Variants in CDH12 observed in about 807,000 individuals in gnomAD.
CDH12 encodes the protein cadherin-12.
A neutral mutation model predicts 74.1 loss-of-function variants in CDH12; 41 were observed. The ratio of observed to expected loss-of-function variants is 0.55; its 90% CI spans 0.43 to 0.72. The LOEUF (loss-of-function observed/expected upper bound fraction) is 0.72. Among genes scored for constraint, CDH12 ranks in the 30% least tolerant of loss-of-function variants. The probability of loss-of-function intolerance (pLI) is 0.00; values close to 1 mark genes in which losing one functional copy is unlikely to be tolerated. For missense variants in CDH12, 945 were observed against 977.2 expected, an observed-to-expected ratio of 0.97 and a Z score of 0.44; for synonymous variants, 399 against 355.0, an observed-to-expected ratio of 1.12 and a Z score of -1.39.
At chr5:22,559,349 T>A (rs1024022287) in intron 1 of CDH12, among the ~76,000 whole-genome samples, 1 of 152,046 alleles carries the variant, frequency 6.6e-6, no homozygotes, top group African/African-American at 2.4e-5. Context: ...ATGCATACTT[T>A]ACCTCAGCGA....
At chr5:22,008,593 G>T (rs866107116) in intron 5 of CDH12, among the ~76,000 whole-genome samples, 2 of 152,136 alleles carry the variant, frequency 1.3e-5, no homozygotes, top group East Asian at 1.9e-4. Flanking sequence ...CTTGAGGTTT[G>T]ATCGTATCCT....
chr5:22,752,287 C>A (rs1745619361), intron 1 of CDH12, among the ~76,000 whole-genome samples: 1 of 151,520 alleles, frequency 6.6e-6, no homozygotes, highest in Non-Finnish European at 1.5e-5. Flanking sequence ...AGAAAAAAAC[C>A]CTTAATGTAC....
intron 3 of CDH12, among the ~76,000 whole-genome samples, chr5:22,339,858 A>G (rs1028567203): frequency 4.6e-5 from 7 of 152,234 alleles, no homozygotes; most frequent in Non-Finnish European, 1.0e-4. Context: ...CAGATGTTAC[A>G]TATATACATA....
intron 3 of CDH12, among the ~76,000 whole-genome samples, chr5:22,392,441 A>G (rs1415185896): frequency 6.6e-6 from 1 of 152,180 alleles, no homozygotes; most frequent in East Asian, 1.9e-4. Context: ...GCAAAACACA[A>G]ATACTCACCC....
intron 6 of CDH12, among the ~76,000 whole-genome samples, chr5:21,896,480 A>G (rs1460842425): frequency 2.7e-4 from 41 of 152,212 alleles, no homozygotes; most frequent in Admixed American, 2.7e-3. Flanking sequence ...TACAATTCTC[A>G]GCAGCTAATG....
chr5:22,808,860 G>A (rs564077819), intron 1 of CDH12, among the ~76,000 whole-genome samples: 2 of 144,022 alleles, frequency 1.4e-5, no homozygotes, highest in East Asian at 4.2e-4. Flanking sequence ...GCCTGCCTCA[G>A]CCTCCTGAAG....
chr5:22,725,569 G>A lies in CDH12; in HGVS notation c.-523+127489C>T, dbSNP rs1458806322. On this transcript the variant is annotated intron_variant, in intron 1 of 14. Coordinates refer to ENST00000382254, the MANE Select transcript of CDH12 (RefSeq NM_004061.5). The stretch of plus-strand genomic sequence containing the variant: ...GCAACAGAAATTTATTTTGGTGGAC[G>A]AGAAGAGGCAGGTCCTTCAAGCCAT... 2.8e-5 allele frequency among the ~76,000 whole-genome samples: 4 copies of A among 144,202 alleles called. 1 individual carries two copies. The highest frequency in any genetic ancestry group is 4.4e-4 in the South Asian group (2 of 4,532). 94.6% of individuals were successfully genotyped at this position (144,202 alleles called of 152,430 possible). A position where few individuals can be genotyped will look rare whatever the true frequency, so the allele number is the denominator to read the frequency against.
At chr5:22,753,850 C>A (rs535690396) in intron 1 of CDH12, among the ~76,000 whole-genome samples, 1 of 152,118 alleles carries the variant, frequency 6.6e-6, no homozygotes, top group Admixed American at 6.5e-5. Context: ...TTTTCCATAA[C>A]AATTTGCTTT....
intron 1 of CDH12, among the ~76,000 whole-genome samples, chr5:22,508,074 T>A (rs1390679237): frequency 3.3e-5 from 5 of 152,192 alleles, no homozygotes; most frequent in Non-Finnish European, 7.3e-5. Flanking sequence ...TACAGGATAA[T>A]CTCCTCGTTT....
intron 5 of CDH12, among the ~76,000 whole-genome samples, chr5:21,991,517 G>GTT (rs1176691399): frequency 3.9e-3 from 7 of 1,802 alleles, no homozygotes; most frequent in African/African-American, 8.5e-3. Context: ...ATATATGTTT[G>GTT]TTATATATAT....
At chr5:22,812,260 A>G (rs1272249905) in intron 1 of CDH12, among the ~76,000 whole-genome samples, 3 of 152,232 alleles carry the variant, frequency 2.0e-5, no homozygotes, top group South Asian at 4.2e-4. Flanking sequence ...AGGTGCTAGT[A>G]TAAGGATTAA....
chr5:22,241,643 C>A (rs7711177), intron 3 of CDH12, among the ~76,000 whole-genome samples: 4,339 of 151,966 alleles, frequency 0.029, 94 homozygotes, highest in South Asian at 0.094. Flanking sequence ...AGAATAAAGA[C>A]CTACTTGAAA....
chr5:22,426,618 C>T (rs895055688), intron 2 of CDH12, among the ~76,000 whole-genome samples: 1 of 151,996 alleles, frequency 6.6e-6, no homozygotes, highest in East Asian at 1.9e-4. Flanking sequence ...TTTAGTGTAG[C>T]TATTATAGGC....
At chr5:21,884,197 C>T in intron 6 of CDH12, 1 of 1,584,234 alleles carries the variant, frequency 6.3e-7, no homozygotes, top group Admixed American at 1.7e-5. Context: ...GCTGGTGTGG[C>T]CTCTCTGTTA....
At chr5:21,873,998 T>G (rs531986818) in intron 6 of CDH12, among the ~76,000 whole-genome samples, 1 of 152,344 alleles carries the variant, frequency 6.6e-6, no homozygotes, top group Non-Finnish European at 1.5e-5. Flanking sequence ...CTTTATCCAG[T>G]CTATCATTGT....
chr5:21,810,135 AAGTT>A (rs529691025), intron 9 of CDH12, among the ~76,000 whole-genome samples: 3 of 152,120 alleles, frequency 2.0e-5, no homozygotes, highest in African/African-American at 7.2e-5. Flanking sequence ...GTGTGTGCAG[AAGTT>A]AGTAATAGAA....
intron 10 of CDH12, among the ~76,000 whole-genome samples, chr5:21,798,590 A>T (rs1746929555): frequency 6.6e-6 from 1 of 152,100 alleles, no homozygotes; most frequent in African/African-American, 2.4e-5. Flanking sequence ...TGATATATGG[A>T]TAGGCTTTGT....
At chr5:22,505,649 T>C (rs1736353885) in intron 1 of CDH12, among the ~76,000 whole-genome samples, 1 of 152,112 alleles carries the variant, frequency 6.6e-6, no homozygotes, top group African/African-American at 2.4e-5. Flanking sequence ...TGATACATTA[T>C]TGAGTTCACT....
chr5:22,709,806 C>T (rs1326623708), intron 1 of CDH12, among the ~76,000 whole-genome samples: 2 of 152,132 alleles, frequency 1.3e-5, no homozygotes, highest in African/African-American at 2.4e-5. Flanking sequence ...GATGATTGAA[C>T]CTATGGTACA....
Sources: allele counts gnomAD v4.1 joint callset (sites outside exome capture counted in the v4.1 genomes callset), GRCh38; gene constraint gnomAD v4.1.1; transcripts MANE v1.5; gene names NCBI Gene and HGNC (gene_info 2026-07-23, HGNC 2026-07-21).